GANC: variants seen among roughly 807,000 people sequenced by gnomAD.
GANC encodes the protein glucosidase alpha, neutral C, also known as neutral alpha-glucosidase C.
Under a neutral mutation model 124.2 loss-of-function variants are expected in GANC, and 117 were observed. That is an observed-to-expected ratio of 0.94 (90% CI 0.81 to 1.10). GANC has a LOEUF of 1.10. Among genes scored for constraint, GANC ranks in the 50% least tolerant of loss-of-function variants. The probability of loss-of-function intolerance (pLI) is 0.00; values close to 1 mark genes in which losing one functional copy is unlikely to be tolerated. For missense variants in GANC, 1,140 were observed against 1,095.0 expected (o/e 1.04, Z -0.58); for synonymous variants, 377 against 376.8 (o/e 1.00, Z -0.01).
At chr15:42,308,138 C>T in intron 7 of GANC, 84 bp from the exon 8 acceptor site, 3 of 792,276 alleles carry the variant, frequency 3.8e-6, no homozygotes, top group Non-Finnish European at 4.2e-6. Flanking sequence ...TTAGTCTAGT[C>T]ATCTCTCTGC....
intron 15 of GANC, among the ~76,000 whole-genome samples, chr15:42,336,857 A>G (rs1048769604): frequency 6.6e-6 from 1 of 152,238 alleles, no homozygotes; most frequent in African/African-American, 2.4e-5. Context: ...GAAGACATAC[A>G]TGTGGCCAAC....
Position 42,339,652 on chromosome 15 carries a change from C to A in GANC, c.1844-17C>A, listed in dbSNP as rs748005257. 3 of 1,607,918 alleles carry A rather than the reference C, an allele frequency of 1.9e-6. No homozygotes were observed. Among genetic ancestry groups the A allele is most frequent in the South Asian group, 2.2e-5 (2 of 90,774 alleles). ...TCCAAAGCTTGGTTGCCTCACTTGG[C>A]CTTCTTTTGCTTCCAGCTGACATAG... On this transcript the variant is annotated splice_polypyrimidine_tract_variant and intron_variant, in intron 16 of 23. Coordinates refer to ENST00000318010, the MANE Select transcript of GANC (RefSeq NM_198141.3).
chr15:42,308,364 T>C lies in GANC; in HGVS notation c.722+46T>C, dbSNP rs116401148. 2,132 of 1,255,408 alleles carry C rather than the reference T, an allele frequency of 1.7e-3. 26 individuals are homozygous for C. In the African/African-American group the frequency reaches 0.027, roughly 16 times the overall value. 77.8% of individuals were successfully genotyped at this position (1,255,408 alleles called of 1,614,324 possible). A position where few individuals can be genotyped will look rare whatever the true frequency, so the allele number is the denominator to read the frequency against. On this transcript the variant is annotated intron_variant, in intron 8 of 23. Transcript: ENST00000318010. Reference sequence around the variant, plus strand: ...TTATGGGAGTCTCTGGTTTTTGTATTGAGATGATCTGAAAACATTTGTGAG... The same window carrying C: ...TTATGGGAGTCTCTGGTTTTTGTATCGAGATGATCTGAAAACATTTGTGAG...
At chr15:42,300,695 A>T (rs1595769211) in intron 6 of GANC, among the ~76,000 whole-genome samples, 2 of 152,286 alleles carry the variant, frequency 1.3e-5, no homozygotes, top group East Asian at 3.9e-4. Flanking sequence ...CATGAAACCA[A>T]CCCAAGTGCC....
Position 42,299,574 on chromosome 15 carries a change from T to A in GANC, c.558+1918T>A, listed in dbSNP as rs1036463194. Among the ~76,000 whole-genome samples the A allele has an allele frequency of 3.3e-5, 5 of 152,318 alleles. No homozygotes were observed. In the East Asian group the frequency reaches 9.6e-4, roughly 29 times the overall value. On this transcript the variant is annotated intron_variant, in intron 6 of 23. Coordinates refer to ENST00000318010, the MANE Select transcript of GANC (RefSeq NM_198141.3). ...CAATGCTATTCCCATCAAACTACCA[T>A]TGACATTCTTCACAGAATTAGAAAC... is the stretch of plus-strand genomic sequence containing the variant.
At chr15:42,340,900 G>C in intron 18 of GANC, 146 bp downstream of exon 18, 2 of 614,548 alleles carry the variant, frequency 3.3e-6, no homozygotes, top group Non-Finnish European at 2.8e-6. Context: ...TGAGCAGCTG[G>C]GATTACAGGT....
At position 42,330,597 on chromosome 15, in the gene GANC, C is replaced by A. The variant is rs752183605; in HGVS notation, c.1666C>A (p.Leu556Met). Residue 556 changes from leucine (L) to methionine (M), a missense_variant, in exon 15 of 24, where the codon CTG (leucine) becomes ATG (methionine). Coordinates refer to ENST00000318010, the MANE Select transcript of GANC (RefSeq NM_198141.3). ...FYHQMATAEG[L>M]IKRSKGKERP... ...ATAGCAAATGGCTACTGCAGAAGGACTGATAAAACGATCTAAAGGGAAGGA... is the reference window on the plus strand; with the variant it reads ...ATAGCAAATGGCTACTGCAGAAGGAATGATAAAACGATCTAAAGGGAAGGA... 9 of 1,611,700 alleles carry A rather than the reference C, an allele frequency of 5.6e-6. No individual in the cohort carries two copies. The African/African-American group carries it at 1.1e-4, about 19-fold the overall frequency.
At position 42,325,259 on chromosome 15, in the gene GANC, C is replaced by T. The variant is rs902004370; in HGVS notation, c.1294-1039C>T. 2.6e-5 allele frequency among the ~76,000 whole-genome samples: 4 copies of T among 151,308 alleles called. No homozygotes were observed. The South Asian group carries it at 6.3e-4, about 24-fold the overall frequency. The stretch of plus-strand genomic sequence containing the variant: ...CTGCACTCCAGCCTGGGCGACAGAG[C>T]GAGACTCTGTCTCAAAAAACAAACA... On this transcript the variant is annotated intron_variant, in intron 11 of 23. Coordinates refer to ENST00000318010, the MANE Select transcript of GANC (RefSeq NM_198141.3).
At position 42,293,621 on chromosome 15, in the gene GANC, AG is replaced by A. The variant is rs1190807908; in HGVS notation, c.512+705del. Among the ~76,000 whole-genome samples the A allele has an allele frequency of 9.9e-5, 15 of 151,548 alleles. 1 individual carries two copies. Among genetic ancestry groups the A allele is most frequent in the African/African-American group, 3.7e-4 (15 of 40,822 alleles). Reference sequence around the variant, plus strand: ...GGCAGATTAGAAAATATTGAAAAGAAGAAAATTTAAAATCCCCATAATCTCT... The same window carrying A: ...GGCAGATTAGAAAATATTGAAAAGAAAAAATTTAAAATCCCCATAATCTCT... On this transcript the variant is annotated intron_variant, in intron 5 of 23. Transcript: ENST00000318010.
At position 42,343,952 on chromosome 15, in the gene GANC, A is replaced by C. The variant is rs1043340241; in HGVS notation, c.2229+798A>C. ...GCCACAGGGTTCAGCAGGCAGGGGAAGAGCCACGCAGGTATGGAGCTGGCA... is the reference window on the plus strand; with the variant it reads ...GCCACAGGGTTCAGCAGGCAGGGGACGAGCCACGCAGGTATGGAGCTGGCA... On this transcript the variant is annotated intron_variant, in intron 19 of 23. Transcript: ENST00000318010. Among the ~76,000 whole-genome samples, 13 of 152,254 alleles carry C rather than the reference A, an allele frequency of 8.5e-5. No homozygotes were observed. In the East Asian group the frequency reaches 2.3e-3, roughly 27 times the overall value.
chr15:42,286,665 A>C (rs1233366481), intron 3 of GANC, among the ~76,000 whole-genome samples: 1 of 152,216 alleles, frequency 6.6e-6, no homozygotes, highest in East Asian at 1.9e-4. Flanking sequence ...GTTACAGTTT[A>C]ACTGCCCTGA....
At position 42,330,567 on chromosome 15, in the gene GANC, G is replaced by T. The variant is rs552185306; in HGVS notation, c.1645-9G>T. 3 of 1,605,996 alleles carry T rather than the reference G, an allele frequency of 1.9e-6. No homozygotes were observed. The highest frequency in any genetic ancestry group is 1.6e-4 in the Middle Eastern group (1 of 6,074). On this transcript the variant is annotated splice_polypyrimidine_tract_variant and intron_variant, in intron 14 of 23. Coordinates refer to ENST00000318010, the MANE Select transcript of GANC (RefSeq NM_198141.3). ...ATCTCTTTGAAATTTTTCTTGTTTGGTGATATAGCAAATGGCTACTGCAGA... is the reference window on the plus strand; with the variant it reads ...ATCTCTTTGAAATTTTTCTTGTTTGTTGATATAGCAAATGGCTACTGCAGA...
intron 19 of GANC, 35 bp from the exon 20 acceptor site, chr15:42,345,723 T>C: frequency 1.5e-6 from 2 of 1,333,136 alleles, no homozygotes; most frequent in Non-Finnish European, 2.1e-6. Flanking sequence ...GAGTTGCTTA[T>C]GTACTCTTTT....
At chr15:42,344,434 TGTG>T (rs1348482999) in intron 19 of GANC, among the ~76,000 whole-genome samples, 1 of 152,204 alleles carries the variant, frequency 6.6e-6, no homozygotes, top group Non-Finnish European at 1.5e-5. Flanking sequence ...TAAGGACACT[TGTG>T]GTCACATTGA....
At chr15:42,283,326 T>C (rs1401551681) in intron 3 of GANC, among the ~76,000 whole-genome samples, 3 of 152,194 alleles carry the variant, frequency 2.0e-5, no homozygotes, top group Non-Finnish European at 4.4e-5. Flanking sequence ...TTCCAGAAAA[T>C]AGAAAGTGAT....
chr15:42,342,037 G>T (rs2052332259), intron 18 of GANC, among the ~76,000 whole-genome samples: 1 of 151,760 alleles, frequency 6.6e-6, no homozygotes, highest in African/African-American at 2.4e-5. Flanking sequence ...GGTCTCTTTT[G>T]GTATTTGTCT....
intron 18 of GANC, 116 bp from the exon 19 acceptor site, chr15:42,342,962 A>G (rs111750211): frequency 0.087 from 68,037 of 779,048 alleles, 3,960 homozygotes; most frequent in South Asian, 0.19. Context: ...CTGCCTCTCC[A>G]AAGTTCACAG....
chr15:42,329,591 T>TC, intron 14 of GANC, 142 bp downstream of exon 14: 5 of 671,856 alleles, frequency 7.4e-6, no homozygotes, highest in Non-Finnish European at 9.2e-6. Context: ...GAGTCTTAGG[T>TC]AGTAGCCAAT....
chr15:42,307,902 A>C (rs1054936749), intron 7 of GANC, among the ~76,000 whole-genome samples: 1 of 152,234 alleles, frequency 6.6e-6, no homozygotes, highest in Admixed American at 6.5e-5. Flanking sequence ...AATTTCGATT[A>C]GGAAAAAATC....
Sources: gnomAD v4.1 joint callset for allele counts (sites outside exome capture counted in the v4.1 genomes callset) on GRCh38, gnomAD v4.1.1 for gene constraint, MANE v1.5 for transcripts, NCBI Gene and HGNC (gene_info 2026-07-23, HGNC 2026-07-21) for gene names.